MAEA: variants seen among roughly 807,000 people sequenced by gnomAD.
MAEA encodes the protein macrophage erythroblast attacher, E3 ubiquitin ligase.
In MAEA, 22 loss-of-function variants were observed where a neutral mutation model predicts 46.2. That is an observed-to-expected ratio of 0.48 (90% CI 0.34 to 0.68). The LOEUF is 0.68. Ranked by LOEUF, MAEA falls within the 30% of genes least tolerant of loss-of-function variation. The pLI is 0.01. For missense variants in MAEA, 393 were observed against 558.1 expected (o/e 0.70, Z 2.98); for synonymous variants, 246 against 222.6 (o/e 1.11, Z -0.94).
chr4:1,323,777 G>A (rs577433402), intron 4 of MAEA, among the ~76,000 whole-genome samples: 1 of 152,324 alleles, frequency 6.6e-6, no homozygotes, highest in South Asian at 2.1e-4. Context: ...ATTACCTGCC[G>A]GACAGTGTTG....
intron 5 of MAEA, chr4:1,329,143 G>A (rs927891108): frequency 5.8e-5 from 57 of 985,580 alleles, no homozygotes; most frequent in African/African-American, 3.7e-4. Flanking sequence ...GAGTCCCTCC[G>A]TCACAGATGT....
chr4:1,315,893 C>T (rs1277953934), intron 3 of MAEA, among the ~76,000 whole-genome samples: 1 of 82,040 alleles, frequency 1.2e-5, no homozygotes, highest in Non-Finnish European at 2.3e-5. Context: ...CCCCAATGTG[C>T]GTGTTTCTCC....
chr4:1,304,382 C>A (rs1408916923), intron 1 of MAEA, among the ~76,000 whole-genome samples: 1 of 152,110 alleles, frequency 6.6e-6, no homozygotes, highest in Non-Finnish European at 1.5e-5. Context: ...AGTCCTCCCA[C>A]CTTAGCCTCC....
At chr4:1,328,588 G>A in intron 5 of MAEA, 2 of 1,196,166 alleles carry the variant, frequency 1.7e-6, no homozygotes, top group Non-Finnish European at 1.1e-6. Context: ...GGGGGCACCT[G>A]TCCATGCCCA....
chr4:1,312,346 A>C (rs1305422861), intron 2 of MAEA, 185 bp downstream of exon 2: 1 of 602,484 alleles, frequency 1.7e-6, no homozygotes, highest in Non-Finnish European at 2.9e-6. Context: ...CTGTTCCTGT[A>C]GGGACCGTGT....
chr4:1,320,533 A>AAC (rs1189806639), intron 3 of MAEA, among the ~76,000 whole-genome samples: 3 of 151,712 alleles, frequency 2.0e-5, no homozygotes, highest in African/African-American at 7.3e-5. Flanking sequence ...GGGCTTCAGA[A>AAC]AAGAAATCAT....
rs758981873 is a variant in MAEA at position 1,315,582 on chromosome 4, G to A, written c.438G>A (p.Ala146=). 3.0e-5 allele frequency: 48 copies of A among 1,613,022 alleles called. No homozygotes were observed. The highest frequency in any genetic ancestry group is 1.9e-4 in the African/African-American group (14 of 74,900). The part of the protein sequence containing the change: ...CGYYNTAVKL[A]RQSGIEDLVN... ...ACTACAACACGGCTGTCAAGCTGGC[G>A]CGCCAGAGCGGCATCGAGGTGGGTG... Residue 146 remains alanine (A), a synonymous_variant, in exon 3 of 9, where the codon GCG becomes GCA. Transcript: ENST00000303400.
intron 1 of MAEA, chr4:1,309,784 C>A: frequency 7.0e-7 from 1 of 1,432,398 alleles, no homozygotes; most frequent in Non-Finnish European, 9.2e-7. Context: ...AGGGCCTTTT[C>A]CCTTGCACTG....
In MAEA at chr4:1,304,965, A is replaced by T. The variant is rs549824518; in HGVS notation, c.70-7014A>T. ...TGCTTTGTGGCTTTATCCTTTTTTTATCTGCTTCGGTTTCTCAGAGATGTT... is the reference window on the plus strand; with the variant it reads ...TGCTTTGTGGCTTTATCCTTTTTTTTTCTGCTTCGGTTTCTCAGAGATGTT... On this transcript the variant is annotated intron_variant, in intron 1 of 8. Transcript: ENST00000303400. 1.3e-3 allele frequency among the ~76,000 whole-genome samples: 195 copies of T among 152,092 alleles called. 1 individual carries two copies. Among genetic ancestry groups the T allele is most frequent in the African/African-American group, 4.5e-3 (185 of 41,472 alleles).
At chr4:1,290,020 G>A (rs1374087234) in intron 1 of MAEA, 38 bp downstream of exon 1, 1 of 1,526,962 alleles carries the variant, frequency 6.5e-7, no homozygotes, top group Admixed American at 1.9e-5. Context: ...GGCAGCGAAG[G>A]CGTCTCCAGC....
intron 1 of MAEA, among the ~76,000 whole-genome samples, chr4:1,304,370 G>A (rs981901975): frequency 2.0e-5 from 3 of 152,146 alleles, no homozygotes; most frequent in African/African-American, 7.2e-5. Context: ...CTGGCCTCAA[G>A]CAGTCCTCCC....
intron 3 of MAEA, among the ~76,000 whole-genome samples, chr4:1,321,396 T>G (rs1312689309): frequency 6.9e-6 from 1 of 145,208 alleles, no homozygotes; most frequent in Non-Finnish European, 1.5e-5. Context: ...AACAACACTG[T>G]GAGGGGTTTC....
rs1737015732 is a variant in MAEA, at chr4:1,315,561, C to G, written c.417C>G (p.Tyr139Ter). The G allele has an allele frequency of 6.2e-7, 1 of 1,613,552 alleles. No individual in the cohort carries two copies. Among genetic ancestry groups the G allele is most frequent in the Non-Finnish European group, 8.5e-7 (1 of 1,179,914 alleles). Residue 139 changes from tyrosine to a stop codon, truncating the protein, a stop_gained, in exon 3 of 9, where the codon TAC (tyrosine) becomes TAG (stop). Transcript: ENST00000303400. LOFTEE classifies it high-confidence loss of function. Reference protein sequence around the residue: ...MVEHLLRCGYYNTAVKLARQS... With the variant: ...MVEHLLRCGY ...AGCACCTGCTGCGTTGCGGCTACTA[C>G]AACACGGCTGTCAAGCTGGCGCGCC...
At position 1,311,938 on chromosome 4, in the gene MAEA, A is replaced by G; in HGVS notation, c.70-41A>G. On this transcript the variant is annotated intron_variant, in intron 1 of 8. Coordinates refer to ENST00000303400, the MANE Select transcript of MAEA (RefSeq NM_001017405.3). The surrounding 1 kb of genome is among the most constrained non-coding windows in gnomAD (Gnocchi z 4.4). The stretch of plus-strand genomic sequence containing the variant: ...TGGGTGTGGGGCTGGTGGGGCTCAC[A>G]CCAGGGGAGCAGATCCCTCACCATC... 1 of 1,569,960 alleles carries G rather than the reference A, an allele frequency of 6.4e-7. No individual in the cohort carries two copies. Among genetic ancestry groups the G allele is most frequent in the Middle Eastern group, 1.7e-4 (1 of 5,898 alleles).
intron 1 of MAEA, chr4:1,298,099 A>G (rs1238340659): frequency 6.6e-6 from 3 of 456,114 alleles, no homozygotes; most frequent in Non-Finnish European, 1.3e-5. Context: ...GAGGCATTTT[A>G]GCACCCTGTA....
At chr4:1,294,048 G>A (rs1263003945) in intron 1 of MAEA, among the ~76,000 whole-genome samples, 2 of 152,230 alleles carry the variant, frequency 1.3e-5, no homozygotes, top group South Asian at 2.1e-4. Flanking sequence ...TGGTGATGCC[G>A]TGTCTGAGGA....
chr4:1,294,123 G>A (rs534913129), intron 1 of MAEA, among the ~76,000 whole-genome samples: 18 of 152,328 alleles, frequency 1.2e-4, no homozygotes, highest in Admixed American at 4.6e-4. Flanking sequence ...CTGCAGTAAC[G>A]TCACAGCCCT....
chr4:1,292,471 T>G (rs1734190815), intron 1 of MAEA, among the ~76,000 whole-genome samples: 2 of 152,140 alleles, frequency 1.3e-5, no homozygotes, highest in African/African-American at 4.8e-5. Flanking sequence ...CAACACGCAC[T>G]GACCTTGGGC....
intron 3 of MAEA, among the ~76,000 whole-genome samples, chr4:1,316,428 C>T (rs562168839): frequency 4.6e-5 from 7 of 151,996 alleles, no homozygotes; most frequent in Middle Eastern, 3.4e-3. Flanking sequence ...TCACCTGACT[C>T]GGGTTAAGGT....
Sources: allele counts gnomAD v4.1 joint callset (sites outside exome capture counted in the v4.1 genomes callset), GRCh38; gene constraint gnomAD v4.1.1; non-coding constraint Gnocchi (gnomAD v3.1); transcripts MANE v1.5; gene names NCBI Gene and HGNC (gene_info 2026-07-23, HGNC 2026-07-21).